The following SERPINA3 variants were observed in gnomAD, a reference collection of about 807,000 sequenced individuals.
The protein encoded by SERPINA3 is alpha-1-antichymotrypsin.
Under a neutral mutation model 26.8 loss-of-function variants are expected in SERPINA3, and 32 were observed. That is an observed-to-expected ratio of 1.20 (90% confidence interval 0.90 to 1.61). The LOEUF (loss-of-function observed/expected upper bound fraction) is 1.61. SERPINA3 is among the 40% of genes most tolerant of loss of function. The pLI is 0.00. For missense variants in SERPINA3, 632 were observed against 517.9 expected, an observed-to-expected ratio of 1.22 and a Z score of -2.14; for synonymous variants, 252 against 206.4, an observed-to-expected ratio of 1.22 and a Z score of -1.89.
chr14:94,613,306 C>G (rs1192014753), intron 1 of SERPINA3: 4 of 152,104 alleles, frequency 2.6e-5, no homozygotes, highest in Non-Finnish European at 4.4e-5. Context: ...CCACTCTTCT[C>G]CCCAGCACCC....
At chr14:94,617,147 C>T (rs1341467065) in intron 2 of SERPINA3, among the ~76,000 whole-genome samples, 2 of 152,182 alleles carry the variant, frequency 1.3e-5, no homozygotes, top group African/African-American at 4.8e-5. Context: ...ACTGCCCTCA[C>T]ATGGAGGCCA....
Position 94,623,834 on chromosome 14 carries a change from G to GCA in SERPINA3, c.*20_*21insCA, listed in dbSNP as rs751634219. 3.0e-5 allele frequency: 49 copies of GCA among 1,609,214 alleles called. No individual in the cohort carries two copies. In the East Asian group the frequency reaches 1.0e-3, roughly 34 times the overall value. ...GCCTAGAGCTTGCCATCAAGCAGTG[G>GCA]GGCTCTCAGTAAGGAACTTGGAATG... On this transcript the variant is annotated 3_prime_UTR_variant, in exon 5 of 5. Coordinates refer to ENST00000393078, the MANE Select transcript of SERPINA3 (RefSeq NM_001085.5).
intron 3 of SERPINA3, chr14:94,619,696 G>A (rs1886131605): frequency 1.7e-6 from 1 of 586,352 alleles, no homozygotes. Context: ...ACTCCAGCAT[G>A]TTCTAAGTCA....
At chr14:94,615,205 C>G in intron 2 of SERPINA3, 121 bp downstream of exon 2, 1 of 1,116,080 alleles carries the variant, frequency 9.0e-7, no homozygotes, top group Non-Finnish European at 1.3e-6. Flanking sequence ...ATGGGGGCAG[C>G]ATAAGCATCA....
chr14:94,616,361 T>C (rs1329459951), intron 2 of SERPINA3, among the ~76,000 whole-genome samples: 1 of 152,186 alleles, frequency 6.6e-6, no homozygotes, highest in Non-Finnish European at 1.5e-5. Context: ...CCTTCCTCTG[T>C]TGACCTCTCC....
Position 94,622,478 on chromosome 14 carries a change from T to C in SERPINA3, c.1055T>C (p.Leu352Pro). 1 of 1,614,148 alleles carries C rather than the reference T, an allele frequency of 6.2e-7. No individual in the cohort carries two copies. Among genetic ancestry groups the C allele is most frequent in the Non-Finnish European group, 8.5e-7 (1 of 1,180,010 alleles). The change falls in exon 4 of 5, where the codon CTA becomes CCA. Residue 352 changes from leucine to proline, a missense_variant. Coordinates refer to ENST00000393078, the MANE Select transcript of SERPINA3 (RefSeq NM_001085.5). ...DLSGITGARN[L>P]AVSQVVHKAV... The stretch of plus-strand genomic sequence containing the variant: ...TCAGGGATCACAGGGGCCAGGAACC[T>C]AGCAGTCTCCCAGGTGAGTCTTTAG...
chr14:94,622,980 C>T (rs953617777), intron 4 of SERPINA3, among the ~76,000 whole-genome samples: 10 of 152,242 alleles, frequency 6.6e-5, no homozygotes, highest in Non-Finnish European at 1.5e-5. Flanking sequence ...GGCGCCAAGG[C>T]AGGGTGGCCA....
Position 94,612,433 on chromosome 14 carries a change from A to T in SERPINA3, c.-23A>T. 5.1e-6 allele frequency: 7 copies of T among 1,365,204 alleles called. No homozygotes were observed. The highest frequency in any genetic ancestry group is 6.9e-6 in the Non-Finnish European group (7 of 1,021,020). The allele number at this position is 1,365,204 out of a possible 1,614,324, so 84.6% of individuals were successfully genotyped here. On this transcript the variant is annotated 5_prime_UTR_variant, in exon 1 of 5. Transcript: ENST00000393078. ...GCTTTGGAATCCACCAGCTACATCCAGCTCCCTGAGGCAGGTAATCCATGA... is the reference window on the plus strand; with the variant it reads ...GCTTTGGAATCCACCAGCTACATCCTGCTCCCTGAGGCAGGTAATCCATGA...
At chr14:94,615,510 G>A in intron 2 of SERPINA3, 1 of 454,822 alleles carries the variant, frequency 2.2e-6, no homozygotes, top group South Asian at 1.6e-5. Context: ...TGTGGGAGGA[G>A]CACATTCCAG....
At chr14:94,616,779 T>G (rs2268336) in intron 2 of SERPINA3, among the ~76,000 whole-genome samples, 3 of 151,830 alleles carry the variant, frequency 2.0e-5, no homozygotes, top group Non-Finnish European at 4.4e-5. Flanking sequence ...GAGAGAAAGT[T>G]GAGTCAAGCA....
rs184704051 is a variant in SERPINA3, at chr14:94,615,072, A to C, written c.631A>C (p.Ile211Leu). Residue 211 changes from isoleucine (I) to leucine (L), a missense_variant, in exon 2 of 5, where the codon ATC becomes CTC. Coordinates refer to ENST00000393078, the MANE Select transcript of SERPINA3 (RefSeq NM_001085.5). ...GACAATGATGGTCCTGGTGAATTAC[A>C]TCTTCTTTAAAGGTGAGTGTGCCTG... is the stretch of plus-strand genomic sequence containing the variant. Reference protein sequence around the residue: ...SQTMMVLVNYIFFKAKWEMPF... With the variant: ...SQTMMVLVNYLFFKAKWEMPF... 76 of 1,614,014 alleles carry C rather than the reference A, an allele frequency of 4.7e-5. No homozygotes were observed. Among genetic ancestry groups the C allele is most frequent in the Admixed American group, 2.8e-4 (17 of 60,004 alleles).
intron 2 of SERPINA3, among the ~76,000 whole-genome samples, chr14:94,617,445 A>G (rs1021215549): frequency 2.0e-5 from 3 of 152,286 alleles, no homozygotes; most frequent in African/African-American, 7.2e-5. Flanking sequence ...GCTGGCTCTC[A>G]TTGCAATTAC....
Position 94,623,801 on chromosome 14 carries a change from C to A in SERPINA3, c.1259C>A (p.Pro420His), listed in dbSNP as rs776152179. 1.8e-5 allele frequency: 29 copies of A among 1,613,932 alleles called. No homozygotes were observed. The highest frequency in any genetic ancestry group is 1.9e-5 in the Non-Finnish European group (22 of 1,180,008). Reference sequence around the variant, plus strand: ...TTCTTCATGAGCAAAGTCACCAATCCCAAGCAAGCCTAGAGCTTGCCATCA... The same window carrying A: ...TTCTTCATGAGCAAAGTCACCAATCACAAGCAAGCCTAGAGCTTGCCATCA... ...NIFFMSKVTN[P>H]KQA Residue 420 changes from proline (P) to histidine (H), a missense_variant, in exon 5 of 5, where the codon CCC (proline) becomes CAC (histidine). Transcript: ENST00000393078.
chr14:94,614,630 G>A lies in SERPINA3; in HGVS notation c.189G>A (p.Gln63=). 6.2e-7 allele frequency: 1 copy of A among 1,614,126 alleles called. No individual in the cohort carries two copies. Among genetic ancestry groups the A allele is most frequent in the Non-Finnish European group, 8.5e-7 (1 of 1,180,028 alleles). Reference sequence around the variant, plus strand: ...ACTTCGCTTTCAGCCTGTACAAGCAGTTAGTCCTGAAGGCCCCTGATAAGA... The same window carrying A: ...ACTTCGCTTTCAGCCTGTACAAGCAATTAGTCCTGAAGGCCCCTGATAAGA... ...NVDFAFSLYK[Q]LVLKAPDKNV... is the part of the protein sequence containing the mutation. The change falls in exon 2 of 5, where the codon CAG becomes CAA. Residue 63 remains glutamine, a synonymous_variant. Transcript: ENST00000393078.
chr14:94,618,920 C>G, intron 2 of SERPINA3: 9 of 526,768 alleles, frequency 1.7e-5, no homozygotes, highest in East Asian at 6.7e-5. Context: ...TTTCCCTAAA[C>G]CTTCTTTCTC....
rs548199824 is a variant in SERPINA3, at chr14:94,621,914, C to T, written c.918-427C>T. On this transcript the variant is annotated intron_variant, in intron 3 of 4. Coordinates refer to ENST00000393078, the MANE Select transcript of SERPINA3 (RefSeq NM_001085.5). ...TTCACCTAGCTAGCTCCTTTCCTGC[C>T]TTTGGGACTCAGCCTCAACACCACC... Among the ~76,000 whole-genome samples, 127 of 152,326 alleles carry T rather than the reference C, an allele frequency of 8.3e-4. No homozygotes were observed. In the Middle Eastern group the frequency reaches 0.01, roughly 12 times the overall value.
intron 2 of SERPINA3, chr14:94,618,612 C>T (rs1886083844): frequency 5.6e-6 from 1 of 177,746 alleles, no homozygotes; most frequent in African/African-American, 2.4e-5. Context: ...GCTTTTATTC[C>T]CATGGTCTCT....
chr14:94,615,138 T>C, intron 2 of SERPINA3, 54 bp downstream of exon 2: 2 of 1,585,574 alleles, frequency 1.3e-6, no homozygotes, highest in Non-Finnish European at 1.7e-6. Flanking sequence ...GCCATTTCTG[T>C]CCTGACTCAA....
In SERPINA3 at chr14:94,622,467, G is replaced by C. The variant is rs560007117; in HGVS notation, c.1044G>C (p.Gly348=). Reference sequence around the variant, plus strand: ...AGGCTGACCTGTCAGGGATCACAGGGGCCAGGAACCTAGCAGTCTCCCAGG... The same window carrying C: ...AGGCTGACCTGTCAGGGATCACAGGCGCCAGGAACCTAGCAGTCTCCCAGG... ...TSKADLSGIT[G]ARNLAVSQVV... Residue 348 remains glycine (G), a synonymous_variant, in exon 4 of 5, where the codon GGG becomes GGC. Transcript: ENST00000393078. The C allele has an allele frequency of 6.2e-7, 1 of 1,614,030 alleles. No individual in the cohort carries two copies. Among genetic ancestry groups the C allele is most frequent in the Non-Finnish European group, 8.5e-7 (1 of 1,180,032 alleles).
Sources: gnomAD v4.1 joint callset for allele counts (sites outside exome capture counted in the v4.1 genomes callset) on GRCh38, gnomAD v4.1.1 for gene constraint, MANE v1.5 for transcripts, NCBI Gene and HGNC (gene_info 2026-07-23, HGNC 2026-07-21) for gene names.